The following ANK2 variants were observed in gnomAD, a reference collection of about 807,000 sequenced individuals.
ANK2 encodes ankyrin 2.
In ANK2, 83 loss-of-function variants were observed where a neutral mutation model predicts 360.5. The observed-to-expected ratio is 0.23, with a 90% CI of 0.19 to 0.28. ANK2 has a LOEUF of 0.28. Ranked by LOEUF, ANK2 falls within the 10% of genes least tolerant of loss-of-function variation. The probability of loss-of-function intolerance (pLI) is 1.00; values close to 1 mark genes in which losing one functional copy is unlikely to be tolerated. For synonymous variants in ANK2, 1,740 were observed against 1,759.5 expected (o/e 0.99, Z 0.28); for missense variants, 4,201 against 4,795.7 (o/e 0.88, Z 3.66).
At chr4:112,771,633 C>T in the ANK2 span, among the ~76,000 whole-genome samples, 8 of 151,564 alleles carry the variant, frequency 5.3e-5, no homozygotes, top group African/African-American at 1.5e-4. Flanking sequence ...TCGCCCAGGC[C>T]GGAGTGCAGT....
At chr4:113,187,172 G>A (rs2098547091) in intron 2 of ANK2, among the ~76,000 whole-genome samples, 5 of 152,184 alleles carry the variant, frequency 3.3e-5, no homozygotes, top group Middle Eastern at 3.4e-3. Flanking sequence ...TGGGTATGCA[G>A]TCATTGCTGC....
At chr4:113,181,899 G>A (rs915579676) in intron 2 of ANK2, among the ~76,000 whole-genome samples, 2 of 152,168 alleles carry the variant, frequency 1.3e-5, no homozygotes, top group African/African-American at 4.8e-5. Context: ...AAGGACTTTG[G>A]CTTTAATTCC....
chr4:113,269,595 T>C (rs186046716), intron 14 of ANK2, among the ~76,000 whole-genome samples: 4 of 152,336 alleles, frequency 2.6e-5, no homozygotes, highest in Admixed American at 2.6e-4. Context: ...TTGCCCTCCA[T>C]GGGCTGCACC....
the ANK2 span, among the ~76,000 whole-genome samples, chr4:112,764,309 G>A: frequency 6.6e-6 from 1 of 151,528 alleles, no homozygotes; most frequent in Non-Finnish European, 1.5e-5. Flanking sequence ...TTTTCTATTC[G>A]CTAATCTATC....
chr4:113,125,160 A>G (rs974561710), intron 1 of ANK2, among the ~76,000 whole-genome samples: 5 of 152,150 alleles, frequency 3.3e-5, no homozygotes, highest in Admixed American at 2.0e-4. Context: ...AAAGCCTTCA[A>G]TTAAGACTGA....
intron 1 of ANK2, among the ~76,000 whole-genome samples, chr4:113,076,137 G>A (rs527648585): frequency 3.3e-5 from 5 of 152,296 alleles, no homozygotes; most frequent in South Asian, 2.1e-4. Flanking sequence ...TCACTGGGCC[G>A]CATTAGAAGA....
the ANK2 span, among the ~76,000 whole-genome samples, chr4:112,763,174 C>T: frequency 6.6e-6 from 1 of 152,000 alleles, no homozygotes; most frequent in African/African-American, 2.4e-5. Context: ...ATTCACTCAC[C>T]CCAGCCTCCT....
At chr4:113,168,767 T>C (rs899718122) in intron 1 of ANK2, among the ~76,000 whole-genome samples, 5 of 152,198 alleles carry the variant, frequency 3.3e-5, no homozygotes, top group African/African-American at 1.2e-4. Flanking sequence ...TGAACCCAAA[T>C]TGTTGGTTTC....
intron 1 of ANK2, among the ~76,000 whole-genome samples, chr4:113,150,086 G>A (rs1310333024): frequency 1.3e-5 from 2 of 151,884 alleles, no homozygotes; most frequent in East Asian, 1.9e-4. Flanking sequence ...TGCAGGCCTC[G>A]GTGCTCTGGG....
In ANK2 at chr4:113,357,515, C is replaced by A; in HGVS notation, c.8897C>A (p.Ser2966Tyr). ...GAAGTGTATTCTGTTACCATCACAT[C>A]CCCTGTTGAAGACGTTGTAGTGGCA... ...SSEVYSVTITSPVEDVVVASS... is the reference protein window; with the variant it reads ...SSEVYSVTITYPVEDVVVASS... The change falls in exon 38 of 46, where the codon TCC becomes TAC. Residue 2966 changes from serine (S) to tyrosine (Y), a missense_variant. By Grantham distance (144) the Ser-to-Tyr change is moderately radical. Transcript: ENST00000357077. The A allele has an allele frequency of 6.2e-7, 1 of 1,614,114 alleles. No homozygotes were observed. Among genetic ancestry groups the A allele is most frequent in the Non-Finnish European group, 8.5e-7 (1 of 1,179,984 alleles).
At chr4:113,048,430 A>ATTTTTT (rs61689467), upstream of ANK2, among the ~76,000 whole-genome samples, 6 of 129,738 alleles carry the variant, frequency 4.6e-5, no homozygotes, top group African/African-American at 5.8e-5. Context: ...CACCTGGCTA[A>ATTTTTT]TTTTTTTTTT....
intron 2 of ANK2, among the ~76,000 whole-genome samples, chr4:113,042,508 A>C (rs2063222437): frequency 6.6e-6 from 1 of 152,182 alleles, no homozygotes; most frequent in Non-Finnish European, 1.5e-5. Flanking sequence ...CTTGTCTTCC[A>C]ACACCATCAC....
chr4:112,768,722 G>A, the ANK2 span, among the ~76,000 whole-genome samples: 7 of 152,226 alleles, frequency 4.6e-5, no homozygotes, highest in East Asian at 1.4e-3. Context: ...ATCAGTTTAT[G>A]CTGATGACTC....
At chr4:113,179,022 G>A (rs1384403318) in intron 2 of ANK2, among the ~76,000 whole-genome samples, 1 of 152,058 alleles carries the variant, frequency 6.6e-6, no homozygotes, top group African/African-American at 2.4e-5. Flanking sequence ...TTATTCATAG[G>A]TGGTTACAGG....
intron 1 of ANK2, among the ~76,000 whole-genome samples, chr4:112,869,719 A>G (rs1381225164): frequency 1.3e-5 from 2 of 152,196 alleles, no homozygotes; most frequent in African/African-American, 2.4e-5. Context: ...TTCTCAGTCT[A>G]TCACACAGGC....
At chr4:112,913,638 C>G (rs973376819) in intron 2 of ANK2, among the ~76,000 whole-genome samples, 1 of 152,098 alleles carries the variant, frequency 6.6e-6, no homozygotes, top group Admixed American at 6.5e-5. Context: ...TGTTTATAGC[C>G]TCTCTTTCCC....
chr4:113,117,175 C>A, intron 1 of ANK2: 1 of 394,952 alleles, frequency 2.5e-6, no homozygotes, highest in Non-Finnish European at 5.0e-6. Context: ...GTTCTGGCTG[C>A]CAGCCATTGC....
chr4:113,381,579 G>A lies in ANK2; in HGVS notation c.*108G>A, dbSNP rs180795690. On this transcript the variant is annotated 3_prime_UTR_variant, in exon 46 of 46. Transcript: ENST00000357077. ...GCACTAGACCAGGACGACCTCCAGC[G>A]CGATCTCCAGCAGCTCCTTCGGCAT... 1.5e-4 allele frequency: 243 copies of A among 1,600,498 alleles called. 2 individuals are homozygous for A. The highest frequency in any genetic ancestry group is 7.7e-6 in the Non-Finnish European group (9 of 1,171,994).
chr4:113,132,923 T>G (rs1444519872), intron 1 of ANK2, among the ~76,000 whole-genome samples: 1 of 152,174 alleles, frequency 6.6e-6, no homozygotes, highest in Non-Finnish European at 1.5e-5. Context: ...GTTGTGATGA[T>G]TCTACCTTCG....
Sources: allele counts gnomAD v4.1 joint callset (sites outside exome capture counted in the v4.1 genomes callset), GRCh38; gene constraint gnomAD v4.1.1; transcripts MANE v1.5; gene names NCBI Gene and HGNC (gene_info 2026-07-23, HGNC 2026-07-21).